Variants in CLYBL observed in about 807,000 individuals in gnomAD.
The protein encoded by CLYBL is citramalyl-CoA lyase, mitochondrial.
In CLYBL, 31 loss-of-function variants were observed where a neutral mutation model predicts 38.9. The ratio of observed to expected loss-of-function variants is 0.80; its 90% CI spans 0.60 to 1.08. The LOEUF (loss-of-function observed/expected upper bound fraction) is 1.08. Among genes scored for constraint, CLYBL ranks in the 50% least tolerant of loss-of-function variants. CLYBL has a pLI of 0.00. For synonymous variants in CLYBL, 171 were observed against 158.6 expected (o/e 1.08, Z -0.59); for missense variants, 434 against 411.6 (o/e 1.05, Z -0.47).
At chr13:99,901,155 C>T (rs2052637409), downstream of CLYBL, among the ~76,000 whole-genome samples, 1 of 152,214 alleles carries the variant, frequency 6.6e-6, no homozygotes. Flanking sequence ...AGCTGGCTCC[C>T]TCGACACCAC....
chr13:99,896,294 G>A (rs2052578118), downstream of CLYBL: 1 of 152,144 alleles, frequency 6.6e-6, no homozygotes, highest in Non-Finnish European at 1.5e-5. Context: ...CTGTTGCTAG[G>A]AGCCCGAGAA....
At chr13:99,779,798 A>G (rs562031856) in intron 2 of CLYBL, among the ~76,000 whole-genome samples, 3 of 152,134 alleles carry the variant, frequency 2.0e-5, no homozygotes, top group Non-Finnish European at 4.4e-5. Context: ...TTTTCAATTT[A>G]TCTTTTTGTT....
At chr13:99,872,990 T>C (rs2051947449) in intron 7 of CLYBL, among the ~76,000 whole-genome samples, 1 of 151,950 alleles carries the variant, frequency 6.6e-6, no homozygotes, top group South Asian at 2.1e-4. Flanking sequence ...GGGCATAAGC[T>C]CTCACAACAG....
intron 1 of CLYBL, among the ~76,000 whole-genome samples, chr13:99,728,785 G>A (rs149759333): frequency 1.3e-5 from 2 of 151,726 alleles, no homozygotes; most frequent in Non-Finnish European, 2.9e-5. Flanking sequence ...GTCTCATTAT[G>A]TTGCCCAGGC....
chr13:99,701,969 G>A (rs997834538), intron 1 of CLYBL, among the ~76,000 whole-genome samples: 5 of 152,154 alleles, frequency 3.3e-5, no homozygotes, highest in African/African-American at 1.2e-4. Context: ...ACAAAGGAGT[G>A]AAGTGATACC....
At chr13:99,857,044 G>T (rs576991233) in intron 2 of CLYBL, among the ~76,000 whole-genome samples, 2 of 152,004 alleles carry the variant, frequency 1.3e-5, no homozygotes, top group South Asian at 4.2e-4. Context: ...GCCGGGCACC[G>T]TGGCTCACAC....
At chr13:99,803,608 T>A (rs1490666167) in intron 2 of CLYBL, among the ~76,000 whole-genome samples, 1 of 152,258 alleles carries the variant, frequency 6.6e-6, no homozygotes, top group Non-Finnish European at 1.5e-5. Flanking sequence ...AAGTAATACT[T>A]CTCACCTGGG....
rs962320862 is a variant in CLYBL at position 99,849,190 on chromosome 13, G to A, written c.250-9671G>A. Among the ~76,000 whole-genome samples, 18 of 151,770 alleles carry A rather than the reference G, an allele frequency of 1.2e-4. No homozygotes were observed. The highest frequency in any genetic ancestry group is 4.1e-4 in the African/African-American group (17 of 41,256). ...CTATTGAGAAAGACAGTGTAAGCTT[G>A]TGGTACGTAAATACTCTGTCTTTTT... On this transcript the variant is annotated intron_variant, in intron 2 of 8. Transcript: ENST00000339105. This position sits in a 1 kb window ranked among gnomAD's most constrained non-coding sequence, Gnocchi z 4.9.
chr13:99,831,738 A>G (rs1175099315), intron 2 of CLYBL, among the ~76,000 whole-genome samples: 1 of 126,660 alleles, frequency 7.9e-6, no homozygotes, highest in Non-Finnish European at 1.7e-5. Context: ...TTTTTTTTGT[A>G]GAAGGAAACA....
chr13:99,654,421 C>A (rs1048252045), intron 1 of CLYBL, among the ~76,000 whole-genome samples: 1 of 152,142 alleles, frequency 6.6e-6, no homozygotes, highest in African/African-American at 2.4e-5. Context: ...TGTCCTCCTC[C>A]GTACCCTCAT....
chr13:99,707,797 C>T (rs969425057), intron 1 of CLYBL, among the ~76,000 whole-genome samples: 5 of 152,102 alleles, frequency 3.3e-5, no homozygotes, highest in African/African-American at 9.7e-5. Context: ...AATCTCATTT[C>T]CCTTACATTT....
chr13:99,891,245 C>G (rs2052480602), intron 7 of CLYBL, 73 bp from the exon 8 acceptor site: 1 of 1,096,024 alleles, frequency 9.1e-7, no homozygotes, highest in Admixed American at 1.8e-5. Flanking sequence ...GTTCTTGTTG[C>G]ACAAGTGTGC....
At chr13:99,886,774 G>C (rs1040414351) in intron 7 of CLYBL, among the ~76,000 whole-genome samples, 2 of 152,224 alleles carry the variant, frequency 1.3e-5, no homozygotes, top group African/African-American at 4.8e-5. Context: ...GATCGTCCCT[G>C]TGCTCACCAC....
At chr13:99,801,656 A>G (rs1268975419) in intron 2 of CLYBL, among the ~76,000 whole-genome samples, 1 of 152,204 alleles carries the variant, frequency 6.6e-6, no homozygotes, top group Non-Finnish European at 1.5e-5. Flanking sequence ...ATTCTTGTTA[A>G]TACTGTCACT....
At chr13:99,673,025 A>G (rs2047590166) in intron 1 of CLYBL, among the ~76,000 whole-genome samples, 1 of 152,126 alleles carries the variant, frequency 6.6e-6, no homozygotes, top group Non-Finnish European at 1.5e-5. Flanking sequence ...GCCCCCCTAG[A>G]GCTTACAATT....
intron 1 of CLYBL, among the ~76,000 whole-genome samples, chr13:99,740,683 C>T (rs569699790): frequency 1.2e-4 from 19 of 152,322 alleles, no homozygotes; most frequent in Middle Eastern, 3.4e-3. Context: ...ATTTTTGATT[C>T]GTAGACAGGT....
At chr13:99,701,475 C>G (rs896797667) in intron 1 of CLYBL, among the ~76,000 whole-genome samples, 1 of 151,890 alleles carries the variant, frequency 6.6e-6, no homozygotes, top group African/African-American at 2.4e-5. Flanking sequence ...CCACGCCTGG[C>G]TAATTTTTTT....
chr13:99,876,821 C>T (rs1459908060), intron 7 of CLYBL, among the ~76,000 whole-genome samples: 3 of 152,200 alleles, frequency 2.0e-5, no homozygotes, highest in Non-Finnish European at 4.4e-5. Flanking sequence ...TACCCACACT[C>T]ATGACCAAAA....
At chr13:99,759,711 C>CT (rs1480621829) in intron 1 of CLYBL, among the ~76,000 whole-genome samples, 1 of 152,166 alleles carries the variant, frequency 6.6e-6, no homozygotes, top group Non-Finnish European at 1.5e-5. Context: ...TATCTACCTA[C>CT]TACTTGTTTT....
Sources: allele counts gnomAD v4.1 joint callset (sites outside exome capture counted in the v4.1 genomes callset), GRCh38; gene constraint gnomAD v4.1.1; non-coding constraint Gnocchi (gnomAD v3.1); transcripts MANE v1.5; gene names NCBI Gene and HGNC (gene_info 2026-07-23, HGNC 2026-07-21).